Variants in WSCD2 observed in about 807,000 individuals in gnomAD.
The protein encoded by WSCD2 is sialate:O-sulfotransferase 2.
In WSCD2, 28 loss-of-function variants were observed where a neutral mutation model predicts 55.7. That is an observed-to-expected ratio of 0.50 (90% CI 0.37 to 0.69). The LOEUF is 0.69. WSCD2 is among the 30% of genes least tolerant of loss of function. WSCD2 has a pLI of 0.00. For missense variants in WSCD2, 616 were observed against 762.1 expected (o/e 0.81, Z 2.26); for synonymous variants, 301 against 301.9 (o/e 1.00, Z 0.03).
At chr12:108,157,105 A>C (rs1277839262) in intron 1 of WSCD2, among the ~76,000 whole-genome samples, 2 of 151,992 alleles carry the variant, frequency 1.3e-5, no homozygotes, top group African/African-American at 4.8e-5. Context: ...TGAGGGCCCC[A>C]GATATTTCTC....
At chr12:108,228,926 G>T (rs1233771549) in intron 6 of WSCD2, among the ~76,000 whole-genome samples, 1 of 152,200 alleles carries the variant, frequency 6.6e-6, no homozygotes, top group African/African-American at 2.4e-5. Context: ...GTGCAGAGCT[G>T]TGCTGCCTTA....
At position 108,210,603 on chromosome 12, in the gene WSCD2, G is replaced by A. The variant is rs146042925; in HGVS notation, c.682+298G>A. Among the ~76,000 whole-genome samples, 610 of 152,228 alleles carry A rather than the reference G, an allele frequency of 4.0e-3. 9 individuals carry two copies. Among genetic ancestry groups the A allele is most frequent in the Non-Finnish European group, 2.2e-3 (153 of 68,030 alleles). ...GAAACTGAGTTGGAGCCTGAGCCTC[G>A]CCTTCCCATCCTGATTTTCTCAGAG... On this transcript the variant is annotated intron_variant, in intron 4 of 8. Transcript: ENST00000547525. This position sits in a 1 kb window ranked among gnomAD's most constrained non-coding sequence, Gnocchi z 4.3.
At chr12:108,170,744 C>A (rs1378345419) in intron 1 of WSCD2, among the ~76,000 whole-genome samples, 2 of 152,180 alleles carry the variant, frequency 1.3e-5, no homozygotes, top group Non-Finnish European at 2.9e-5. Flanking sequence ...CCCACTTGAT[C>A]CTCCTGTCAA....
intron 1 of WSCD2, among the ~76,000 whole-genome samples, chr12:108,142,942 C>G (rs765261091): frequency 6.6e-6 from 1 of 152,172 alleles, no homozygotes; most frequent in Non-Finnish European, 1.5e-5. Context: ...TCCTTAGTAG[C>G]TGAGACTGTA....
At chr12:108,143,665 A>G (rs1422796730) in intron 1 of WSCD2, among the ~76,000 whole-genome samples, 1 of 152,144 alleles carries the variant, frequency 6.6e-6, no homozygotes, top group African/African-American at 2.4e-5. Context: ...GCATGGTGAT[A>G]ATATAGGCCA....
chr12:108,241,848 A>T (rs909796360), intron 8 of WSCD2, among the ~76,000 whole-genome samples: 2 of 152,218 alleles, frequency 1.3e-5, no homozygotes, highest in East Asian at 3.8e-4. Context: ...TGTAGATATT[A>T]TGTGCAGTAT....
intron 2 of WSCD2, among the ~76,000 whole-genome samples, chr12:108,205,687 T>C (rs1000452901): frequency 2.6e-5 from 4 of 152,236 alleles, no homozygotes; most frequent in Admixed American, 6.5e-5. Flanking sequence ...ATGCCTATCA[T>C]ATGCAAGACA....
intron 1 of WSCD2, among the ~76,000 whole-genome samples, chr12:108,140,344 G>A (rs1241237314): frequency 6.6e-6 from 1 of 152,162 alleles, no homozygotes; most frequent in African/African-American, 2.4e-5. Context: ...ATTGTGATTG[G>A]GTGGCTTTTA....
At chr12:108,224,638 C>A in intron 4 of WSCD2, 101 bp from the exon 5 acceptor site, 1 of 1,487,774 alleles carries the variant, frequency 6.7e-7, no homozygotes, top group Non-Finnish European at 9.0e-7. Flanking sequence ...TGACCTTGGG[C>A]AAGACTCTTG....
intron 1 of WSCD2, among the ~76,000 whole-genome samples, chr12:108,182,351 C>A (rs1408986658): frequency 6.6e-6 from 1 of 152,112 alleles, no homozygotes; most frequent in African/African-American, 2.4e-5. Context: ...GACTGTCTCC[C>A]GGAGAGAATT....
intron 1 of WSCD2, among the ~76,000 whole-genome samples, chr12:108,142,078 C>G (rs994000378): frequency 4.6e-5 from 7 of 152,258 alleles, no homozygotes; most frequent in Non-Finnish European, 7.3e-5. Context: ...GCTAAAATGC[C>G]CCCGTCTCCC....
chr12:108,134,188 G>A (rs990988790), intron 1 of WSCD2, among the ~76,000 whole-genome samples: 23 of 152,150 alleles, frequency 1.5e-4, no homozygotes, highest in African/African-American at 3.9e-4. Flanking sequence ...TTCAAGGTCC[G>A]CCAGTGCCTG....
intron 6 of WSCD2, among the ~76,000 whole-genome samples, chr12:108,227,803 C>CGATGGTGATGATGAT (rs1485696201): frequency 6.6e-6 from 1 of 151,262 alleles, no homozygotes; most frequent in African/African-American, 2.4e-5. Flanking sequence ...ATGATTATGA[C>CGATGGTGATGATGAT]GATGGTGATG....
chr12:108,246,884 C>A (rs560295773), intron 8 of WSCD2, among the ~76,000 whole-genome samples: 3 of 152,238 alleles, frequency 2.0e-5, no homozygotes, highest in East Asian at 3.9e-4. Flanking sequence ...AATTGTGAAA[C>A]CCAGAGGAGG....
intron 5 of WSCD2, 122 bp downstream of exon 5, chr12:108,224,982 G>C (rs1887922579): frequency 7.2e-7 from 1 of 1,387,744 alleles, no homozygotes; most frequent in South Asian, 1.4e-5. Flanking sequence ...CGTTGACTGG[G>C]ATCTATGACG....
chr12:108,217,886 G>A (rs143619947), intron 4 of WSCD2, among the ~76,000 whole-genome samples: 61 of 152,168 alleles, frequency 4.0e-4, no homozygotes, highest in African/African-American at 1.3e-3. Context: ...GGAGAGTCAG[G>A]GACTCATTAG....
intron 1 of WSCD2, among the ~76,000 whole-genome samples, chr12:108,148,432 T>C (rs1052853251): frequency 6.6e-6 from 1 of 152,084 alleles, no homozygotes; most frequent in Non-Finnish European, 1.5e-5. Context: ...TGGTGTGAGG[T>C]GATGAGGCCT....
intron 1 of WSCD2, among the ~76,000 whole-genome samples, chr12:108,144,685 T>G (rs886944754): frequency 1.3e-5 from 2 of 152,034 alleles, no homozygotes; most frequent in African/African-American, 4.8e-5. Flanking sequence ...AAAGCTTAGC[T>G]CCTCCTGTAA....
rs536303061 is a variant in WSCD2, at chr12:108,157,157, T to A, written c.-552+27231T>A. On this transcript the variant is annotated intron_variant, in intron 1 of 8. Coordinates refer to ENST00000547525, the MANE Select transcript of WSCD2 (RefSeq NM_014653.4). ...TTTGTTTGTTTGCTTTTAGTTTGTC[T>A]TAATAGACTTTATTTTGGAGGGCAG... Among the ~76,000 whole-genome samples the A allele has an allele frequency of 5.3e-5, 8 of 152,372 alleles. 1 individual carries two copies. The highest frequency in any genetic ancestry group is 1.9e-4 in the African/African-American group (8 of 41,598).
Sources: gnomAD v4.1 joint callset for allele counts (sites outside exome capture counted in the v4.1 genomes callset) on GRCh38, gnomAD v4.1.1 for gene constraint, Gnocchi (gnomAD v3.1) non-coding constraint, MANE v1.5 for transcripts, NCBI Gene and HGNC (gene_info 2026-07-23, HGNC 2026-07-21) for gene names.